SMOC1: variants seen among roughly 807,000 people sequenced by gnomAD.
The protein encoded by SMOC1 is SPARC related modular calcium binding 1.
Under a neutral mutation model 56.3 loss-of-function variants are expected in SMOC1, and 22 were observed. That is an observed-to-expected ratio of 0.39 (90% confidence interval 0.28 to 0.56). The LOEUF (loss-of-function observed/expected upper bound fraction) is 0.56. Among genes scored for constraint, SMOC1 ranks in the 20% least tolerant of loss-of-function variants. The pLI, the probability that SMOC1 is intolerant of heterozygous loss-of-function variation, is 0.61. For synonymous variants in SMOC1, 193 were observed against 215.0 expected, an observed-to-expected ratio of 0.90 and a Z score of 0.89; for missense variants, 509 against 565.4, an observed-to-expected ratio of 0.90 and a Z score of 1.01.
intron 3 of SMOC1, among the ~76,000 whole-genome samples, chr14:69,972,911 G>T (rs1044954098): frequency 6.6e-6 from 1 of 152,190 alleles, no homozygotes; most frequent in African/African-American, 2.4e-5. Flanking sequence ...ACAGCACTGG[G>T]CCAGAGACAC....
chr14:69,881,509 G>A (rs1594783684), intron 1 of SMOC1, among the ~76,000 whole-genome samples: 3 of 152,136 alleles, frequency 2.0e-5, no homozygotes, highest in South Asian at 4.1e-4. Context: ...ATCAGGCACC[G>A]TGGTTAGGTT....
chr14:69,954,898 G>A (rs1883132173), intron 3 of SMOC1, among the ~76,000 whole-genome samples: 1 of 152,144 alleles, frequency 6.6e-6, no homozygotes, highest in Non-Finnish European at 1.5e-5. Flanking sequence ...GTGGATTACT[G>A]ATTTGAGACT....
Position 69,952,200 on chromosome 14 carries a change from C to A in SMOC1, c.162C>A (p.Pro54=). 6.2e-7 allele frequency: 1 copy of A among 1,614,180 alleles called. No homozygotes were observed. Among genetic ancestry groups the A allele is most frequent in the Non-Finnish European group, 8.5e-7 (1 of 1,180,026 alleles). Residue 54 remains proline (P), a synonymous_variant, in exon 2 of 12, where the codon CCC becomes CCA. Coordinates refer to ENST00000361956, the MANE Select transcript of SMOC1 (RefSeq NM_001034852.3). ...NLHCSRTQPK[P]ICASDGRSYE... ...ACTGCTCCAGGACTCAACCCAAACC[C>A]ATCTGTGCCTCTGATGGCAGGTCCT... is the stretch of plus-strand genomic sequence containing the variant.
intron 7 of SMOC1, among the ~76,000 whole-genome samples, chr14:70,000,314 A>C (rs566161675): frequency 6.6e-6 from 1 of 152,142 alleles, no homozygotes; most frequent in Non-Finnish European, 1.5e-5. Context: ...TTTCTGTCTA[A>C]ATTTTTATTT....
At chr14:69,885,003 T>G (rs1883756434) in intron 1 of SMOC1, among the ~76,000 whole-genome samples, 1 of 152,232 alleles carries the variant, frequency 6.6e-6, no homozygotes, top group Non-Finnish European at 1.5e-5. Flanking sequence ...TTGCACTGAA[T>G]CTGTAGATTG....
At chr14:69,983,400 C>T (rs920496668) in intron 5 of SMOC1, among the ~76,000 whole-genome samples, 3 of 152,210 alleles carry the variant, frequency 2.0e-5, no homozygotes, top group Admixed American at 6.5e-5. Context: ...TATAACAGTA[C>T]GAGTCCAGGC....
intron 7 of SMOC1, among the ~76,000 whole-genome samples, chr14:70,001,519 TA>T (rs1250254554): frequency 1.3e-5 from 2 of 152,176 alleles, no homozygotes; most frequent in East Asian, 3.9e-4. Flanking sequence ...TATATGTGCA[TA>T]TTTTTTTTAG....
At chr14:69,917,896 C>T (rs962980117) in intron 1 of SMOC1, among the ~76,000 whole-genome samples, 1 of 152,056 alleles carries the variant, frequency 6.6e-6, no homozygotes, top group Non-Finnish European at 1.5e-5. Context: ...CAGCAGCAGG[C>T]AGAATGGGAG....
intron 3 of SMOC1, among the ~76,000 whole-genome samples, chr14:69,956,544 T>C (rs1173815409): frequency 6.6e-6 from 1 of 151,780 alleles, no homozygotes; most frequent in Non-Finnish European, 1.5e-5. Flanking sequence ...CATCCCGGTA[T>C]TAACATATTT....
Position 69,952,133 on chromosome 14 carries a change from C to T in SMOC1, c.100-5C>T. 1 of 1,614,140 alleles carries T rather than the reference C, an allele frequency of 6.2e-7. No individual in the cohort carries two copies. ...TCTGTACCCTTTCACTTTTTTCCAACCTAGTTTCTAATAAGTGACCGTGAC... is the reference window on the plus strand; with the variant it reads ...TCTGTACCCTTTCACTTTTTTCCAATCTAGTTTCTAATAAGTGACCGTGAC... On this transcript the variant is annotated splice_region_variant and splice_polypyrimidine_tract_variant and intron_variant, in intron 1 of 11. Transcript: ENST00000361956.
intron 1 of SMOC1, among the ~76,000 whole-genome samples, chr14:69,936,461 T>A (rs1184556796): frequency 6.6e-6 from 1 of 152,222 alleles, no homozygotes; most frequent in African/African-American, 2.4e-5. Flanking sequence ...TGTGCTGAAC[T>A]GAGAACCGTA....
intron 8 of SMOC1, 84 bp from the exon 9 acceptor site, chr14:70,011,401 C>T: frequency 7.6e-7 from 1 of 1,317,006 alleles, no homozygotes; most frequent in South Asian, 1.2e-5. Flanking sequence ...TTGGTGACAA[C>T]ATAGATCATT....
At chr14:69,884,396 C>G (rs534147418) in intron 1 of SMOC1, among the ~76,000 whole-genome samples, 89 of 152,116 alleles carry the variant, frequency 5.9e-4, no homozygotes, top group Admixed American at 1.2e-3. Context: ...CTCCCATTCT[C>G]TAGGTTATCT....
chr14:69,921,498 T>A (rs1884841506), intron 1 of SMOC1, among the ~76,000 whole-genome samples: 1 of 152,160 alleles, frequency 6.6e-6, no homozygotes, highest in South Asian at 2.1e-4. Context: ...CAACAAACAG[T>A]TGTTGTACAT....
intron 10 of SMOC1, among the ~76,000 whole-genome samples, chr14:70,019,142 T>C (rs1388106521): frequency 6.6e-6 from 1 of 152,202 alleles, no homozygotes; most frequent in Non-Finnish European, 1.5e-5. Context: ...GTGTAGCCTA[T>C]GCCACCTCTG....
chr14:69,946,493 A>G (rs1017026573), intron 1 of SMOC1, among the ~76,000 whole-genome samples: 1 of 152,152 alleles, frequency 6.6e-6, no homozygotes, highest in Admixed American at 6.5e-5. Context: ...TAACATTATT[A>G]TTTTATTTTT....
At chr14:69,971,643 T>G (rs1883767422) in intron 3 of SMOC1, among the ~76,000 whole-genome samples, 1 of 152,090 alleles carries the variant, frequency 6.6e-6, no homozygotes, top group Non-Finnish European at 1.5e-5. Context: ...AAAGGAAGGG[T>G]ATTACTTATT....
At chr14:69,986,286 G>T (rs1438857246) in intron 5 of SMOC1, among the ~76,000 whole-genome samples, 1 of 152,168 alleles carries the variant, frequency 6.6e-6, no homozygotes, top group Non-Finnish European at 1.5e-5. Context: ...CAGTAAAAGT[G>T]GCACAAGGGA....
At chr14:69,895,203 T>C (rs934626466) in intron 1 of SMOC1, among the ~76,000 whole-genome samples, 1 of 152,182 alleles carries the variant, frequency 6.6e-6, no homozygotes, top group Non-Finnish European at 1.5e-5. Context: ...ATGTGGAATC[T>C]TCCCCGTCCT....
Sources: gnomAD v4.1 joint callset for allele counts (sites outside exome capture counted in the v4.1 genomes callset) on GRCh38, gnomAD v4.1.1 for gene constraint, MANE v1.5 for transcripts, NCBI Gene and HGNC (gene_info 2026-07-23, HGNC 2026-07-21) for gene names.